The following SMIM8 variants were observed in gnomAD, a reference collection of about 807,000 sequenced individuals.
The protein encoded by SMIM8 is small integral membrane protein 8.
Under a neutral mutation model 8.1 loss-of-function variants are expected in SMIM8, and 8 were observed. The observed-to-expected ratio is 0.99, with a 90% CI of 0.58 to 1.78. The LOEUF is 1.78. SMIM8 is among the 40% of genes most tolerant of loss of function. The pLI, the probability that SMIM8 is intolerant of heterozygous loss-of-function variation, is 0.00. For missense variants in SMIM8, 126 were observed against 119.8 expected, an observed-to-expected ratio of 1.05 and a Z score of -0.24; for synonymous variants, 45 against 39.7, an observed-to-expected ratio of 1.13 and a Z score of -0.50.
At position 87,337,046 on chromosome 6, in the gene SMIM8, T is replaced by G; in HGVS notation, c.15T>G (p.Pro5=). 1 of 1,611,180 alleles carries G rather than the reference T, an allele frequency of 6.2e-7. No individual in the cohort carries two copies. Among genetic ancestry groups the G allele is most frequent in the Non-Finnish European group, 8.5e-7 (1 of 1,178,548 alleles). ...CATTGATCAAGATGTCTTCAGCACC[T>G]GAGCCTCCAACATTCAAAAAGGAAC... MSSA[P]EPPTFKKEPP... The change falls in exon 3 of 4, where the codon CCT becomes CCG. Residue 5 remains proline, a synonymous_variant. Coordinates refer to ENST00000392863, the MANE Select transcript of SMIM8 (RefSeq NM_001042493.3).
intron 2 of SMIM8, among the ~76,000 whole-genome samples, chr6:87,334,294 C>T (rs1051019130): frequency 1.3e-5 from 2 of 152,196 alleles, no homozygotes; most frequent in Non-Finnish European, 1.5e-5. Flanking sequence ...GCTGCCCGAA[C>T]AAACTTTGGG....
chr6:87,334,434 C>CTTGT (rs75607753), intron 2 of SMIM8, among the ~76,000 whole-genome samples: 4,547 of 151,614 alleles, frequency 0.03, 87 homozygotes, highest in Middle Eastern at 0.068. Flanking sequence ...GCTTCAGTGG[C>CTTGT]TTGTTTGTTT....
chr6:87,340,113 C>T lies in SMIM8; in HGVS notation c.136-3C>T, dbSNP rs763893953. ...AGCTTTATAATTTTTTTTTCTTTGA[C>T]AGAACAAACCTGTAATGGCTTTCGG... On this transcript the variant is annotated splice_polypyrimidine_tract_variant and splice_region_variant and intron_variant, in intron 3 of 3. Transcript: ENST00000392863. 3 of 1,536,530 alleles carry T rather than the reference C, an allele frequency of 2.0e-6. No homozygotes were observed. Among genetic ancestry groups the T allele is most frequent in the Non-Finnish European group, 2.6e-6 (3 of 1,148,824 alleles).
At chr6:87,323,130 C>G (rs1036879595) in intron 1 of SMIM8, 1 of 149,846 alleles carries the variant, frequency 6.7e-6, no homozygotes, top group African/African-American at 2.5e-5. Context: ...CCTTCGGCAC[C>G]GAACAGTAGT....
chr6:87,331,699 A>G (rs550533074), intron 2 of SMIM8, among the ~76,000 whole-genome samples: 3 of 152,252 alleles, frequency 2.0e-5, no homozygotes, highest in Admixed American at 2.0e-4. Flanking sequence ...TTTTTTTAAC[A>G]AAGTATAGAT....
intron 1 of SMIM8, among the ~76,000 whole-genome samples, chr6:87,330,416 G>A (rs939342257): frequency 6.6e-6 from 1 of 151,902 alleles, no homozygotes; most frequent in Admixed American, 6.6e-5. Flanking sequence ...TTATATCTTA[G>A]TCTAATTTGC....
rs1476133429 is a variant in SMIM8, at chr6:87,322,594, G to T, written c.-83G>T. 6.6e-6 allele frequency: 1 copy of T among 152,362 alleles called. No individual in the cohort carries two copies. 9.4% of individuals were successfully genotyped at this position (152,362 alleles called of 1,614,324 possible). ...GCAGGCGGGGCGGCGAAGCGGGGCG[G>T]GGCGTCTCGGGCGAGGAGAGGAGGT... On this transcript the variant is annotated 5_prime_UTR_variant, in exon 1 of 4. Transcript: ENST00000392863.
chr6:87,324,890 TC>T, intron 1 of SMIM8, among the ~76,000 whole-genome samples: 1 of 152,362 alleles, frequency 6.6e-6, no homozygotes, highest in South Asian at 2.1e-4. Context: ...TGTTGATTCT[TC>T]CTACGCATGA....
At chr6:87,339,318 A>C (rs1777170848) in intron 3 of SMIM8, among the ~76,000 whole-genome samples, 1 of 139,322 alleles carries the variant, frequency 7.2e-6, no homozygotes, top group Non-Finnish European at 1.5e-5. Flanking sequence ...ACAACAACAA[A>C]ACACAGCGTG....
intron 2 of SMIM8, among the ~76,000 whole-genome samples, chr6:87,332,492 A>C (rs562547679): frequency 1.5e-4 from 22 of 147,206 alleles, no homozygotes; most frequent in African/African-American, 4.6e-4. Context: ...TAAATTGTAT[A>C]TTACATTATT....
chr6:87,340,226 TAGTG>T lies in SMIM8; in HGVS notation c.249_252del (p.Ser83ArgfsTer6). The T allele has an allele frequency of 1.2e-6, 2 of 1,611,372 alleles. No individual in the cohort carries two copies. The highest frequency in any genetic ancestry group is 8.5e-7 in the Non-Finnish European group (1 of 1,179,160). On this transcript the variant is annotated frameshift_variant, in exon 4 of 4. Transcript: ENST00000392863. LOFTEE classifies it high-confidence loss of function. ...AAAAGGACCTCTATGAAGCTATTGA[TAGTG>T]AGGGGCACAGTTATATGAGGCGGAA... is the stretch of plus-strand genomic sequence containing the variant.
chr6:87,336,900 G>A, intron 2 of SMIM8, 109 bp from the exon 3 acceptor site: 1 of 746,282 alleles, frequency 1.3e-6, no homozygotes. Context: ...ATCACATTTG[G>A]TATGTATCTG....
At chr6:87,328,785 T>C (rs1001649560) in intron 1 of SMIM8, among the ~76,000 whole-genome samples, 1 of 152,200 alleles carries the variant, frequency 6.6e-6, no homozygotes, top group African/African-American at 2.4e-5. Flanking sequence ...TCCACCCAGT[T>C]CGAGCTTCCC....
At chr6:87,330,205 G>A (rs978013989) in intron 1 of SMIM8, among the ~76,000 whole-genome samples, 1 of 152,134 alleles carries the variant, frequency 6.6e-6, no homozygotes, top group Non-Finnish European at 1.5e-5. Flanking sequence ...CTATAAAAAA[G>A]TGTATTATAC....
chr6:87,331,119 T>C (rs1776986466), intron 2 of SMIM8, among the ~76,000 whole-genome samples: 1 of 152,156 alleles, frequency 6.6e-6, no homozygotes, highest in Non-Finnish European at 1.5e-5. Context: ...ATCCTCAAAG[T>C]GATAATAACT....
At chr6:87,323,314 T>C (rs1200627946) in intron 1 of SMIM8, among the ~76,000 whole-genome samples, 1 of 152,210 alleles carries the variant, frequency 6.6e-6, no homozygotes, top group Non-Finnish European at 1.5e-5. Context: ...AGGGTACATG[T>C]GCACAATGTG....
At chr6:87,332,447 A>G (rs1253791088) in intron 2 of SMIM8, among the ~76,000 whole-genome samples, 2 of 149,422 alleles carry the variant, frequency 1.3e-5, no homozygotes, top group Non-Finnish European at 3.0e-5. Context: ...ATAATTTTAT[A>G]TACCCCAGGA....
chr6:87,324,032 G>T (rs1170219923), intron 1 of SMIM8, among the ~76,000 whole-genome samples: 1 of 150,228 alleles, frequency 6.7e-6, no homozygotes, highest in African/African-American at 2.5e-5. Context: ...CAGTGATGGT[G>T]AGCATTTTTT....
chr6:87,339,995 C>T, intron 3 of SMIM8, 121 bp from the exon 4 acceptor site: 1 of 651,966 alleles, frequency 1.5e-6, no homozygotes, highest in East Asian at 3.0e-5. Flanking sequence ...TGAAATATTG[C>T]CATGGTAATG....
Sources: allele counts gnomAD v4.1 joint callset (sites outside exome capture counted in the v4.1 genomes callset), GRCh38; gene constraint gnomAD v4.1.1; transcripts MANE v1.5; gene names NCBI Gene and HGNC (gene_info 2026-07-23, HGNC 2026-07-21).